The following RGL1 variants were observed in gnomAD, a reference collection of about 807,000 sequenced individuals.
The protein encoded by RGL1 is ral guanine nucleotide dissociation stimulator like 1.
In RGL1, 24 loss-of-function variants were observed where a neutral mutation model predicts 95.2. The ratio of observed to expected loss-of-function variants is 0.25; its 90% CI spans 0.18 to 0.35. RGL1 has a LOEUF of 0.35. Ranked by LOEUF, RGL1 falls within the 10% of genes least tolerant of loss-of-function variation. The pLI, the probability that RGL1 is intolerant of heterozygous loss-of-function variation, is 1.00. For missense variants in RGL1, 715 were observed against 936.3 expected (o/e 0.76, Z 3.08); for synonymous variants, 329 against 344.9 (o/e 0.95, Z 0.51).
intron 1 of RGL1, among the ~76,000 whole-genome samples, chr1:183,666,656 A>G (rs1287475175): frequency 1.3e-5 from 2 of 152,128 alleles, no homozygotes; most frequent in East Asian, 3.8e-4. Context: ...GCCTGGCAGG[A>G]ATTTTCCAGC....
chr1:183,744,695 G>C lies in RGL1; in HGVS notation c.132+2406G>C, dbSNP rs886265152. On this transcript the variant is annotated intron_variant, in intron 2 of 18. Transcript: ENST00000304685. ...TACTGTACATCTACTTCTACAGCTT[G>C]TTTTTTTGTTTCTATTTTTATGCTG... 6.4e-4 allele frequency among the ~76,000 whole-genome samples: 97 copies of C among 151,924 alleles called. 1 individual carries two copies. Among genetic ancestry groups the C allele is most frequent in the African/African-American group, 2.0e-3 (85 of 41,484 alleles).
chr1:183,854,724 A>G (rs1665030402), intron 3 of RGL1, among the ~76,000 whole-genome samples: 1 of 152,082 alleles, frequency 6.6e-6, no homozygotes. Flanking sequence ...TGGGCTTAGG[A>G]GTCAGAAATT....
At chr1:183,638,384 A>G (rs1649688882) in intron 1 of RGL1, among the ~76,000 whole-genome samples, 1 of 152,196 alleles carries the variant, frequency 6.6e-6, no homozygotes, top group Non-Finnish European at 1.5e-5. Flanking sequence ...AGTGCCTAGT[A>G]CATAATAGGT....
At chr1:183,890,136 G>C (rs1186565667) in intron 8 of RGL1, among the ~76,000 whole-genome samples, 1 of 152,006 alleles carries the variant, frequency 6.6e-6, no homozygotes, top group Admixed American at 6.6e-5. Flanking sequence ...CTGTAGTATA[G>C]TATCAAAAAC....
chr1:183,666,999 T>A (rs1192432075), intron 1 of RGL1, among the ~76,000 whole-genome samples: 1 of 152,226 alleles, frequency 6.6e-6, no homozygotes, highest in Non-Finnish European at 1.5e-5. Flanking sequence ...TTCTATCTGT[T>A]TTTGCTTCAC....
intron 2 of RGL1, among the ~76,000 whole-genome samples, chr1:183,808,405 AGT>A (rs1194727188): frequency 6.6e-6 from 1 of 152,186 alleles, no homozygotes; most frequent in Admixed American, 6.5e-5. Context: ...ATTTCAACAA[AGT>A]GTGATTTACT....
intron 2 of RGL1, among the ~76,000 whole-genome samples, chr1:183,830,365 C>A (rs1663177673): frequency 6.6e-6 from 1 of 152,176 alleles, no homozygotes; most frequent in African/African-American, 2.4e-5. Flanking sequence ...TGCATGACAT[C>A]TTTCATGCAG....
At position 183,870,992 on chromosome 1, in the gene RGL1, CTT is replaced by C. The variant is rs1666151096; in HGVS notation, c.425+4921_425+4922del. Among the ~76,000 whole-genome samples the C allele has an allele frequency of 3.3e-5, 5 of 152,202 alleles. No individual in the cohort carries two copies. The South Asian group carries it at 1.0e-3, about 31-fold the overall frequency. On this transcript the variant is annotated intron_variant, in intron 4 of 17. Transcript: ENST00000360851. ...ACCTTGGCTTAGTCCCTTCACCTCCCTTTGTTTCAGTTTCTTCACCTGAAAAA... is the reference window on the plus strand; with the variant it reads ...ACCTTGGCTTAGTCCCTTCACCTCCCTGTTTCAGTTTCTTCACCTGAAAAA...
chr1:183,781,908 A>G (rs756795767), intron 2 of RGL1, among the ~76,000 whole-genome samples: 15 of 152,230 alleles, frequency 9.9e-5, no homozygotes, highest in Non-Finnish European at 2.1e-4. Context: ...CACTCTCAAG[A>G]GTATAAAAAT....
intron 1 of RGL1, among the ~76,000 whole-genome samples, chr1:183,711,955 C>G (rs1270038092): frequency 6.6e-6 from 1 of 152,154 alleles, no homozygotes; most frequent in African/African-American, 2.4e-5. Context: ...TCAGTTTTCC[C>G]ATCTATAAAT....
intron 1 of RGL1, among the ~76,000 whole-genome samples, chr1:183,655,368 T>A (rs1361888093): frequency 6.6e-6 from 1 of 152,252 alleles, no homozygotes; most frequent in Non-Finnish European, 1.5e-5. Context: ...TGTTAAAGTT[T>A]TATTTGAACC....
intron 14 of RGL1, among the ~76,000 whole-genome samples, chr1:183,910,530 A>C (rs1488548201): frequency 1.3e-5 from 2 of 152,234 alleles, no homozygotes; most frequent in African/African-American, 4.8e-5. Context: ...CCTCTCAGCC[A>C]CCATCTCTTC....
chr1:183,649,796 A>G (rs1303474727), intron 1 of RGL1, among the ~76,000 whole-genome samples: 1 of 152,130 alleles, frequency 6.6e-6, no homozygotes, highest in African/African-American at 2.4e-5. Context: ...CGTTGTTCCT[A>G]TAATGCTCTA....
chr1:183,712,411 C>T (rs1655338162), intron 1 of RGL1, among the ~76,000 whole-genome samples: 1 of 152,198 alleles, frequency 6.6e-6, no homozygotes, highest in African/African-American at 2.4e-5. Flanking sequence ...ATAACTCCTG[C>T]TGGTGATTTA....
intron 2 of RGL1, among the ~76,000 whole-genome samples, chr1:183,815,133 G>A (rs970696637): frequency 2.2e-4 from 34 of 152,152 alleles, no homozygotes; most frequent in African/African-American, 8.0e-4. Flanking sequence ...AGTTAGCCAG[G>A]CATGGTGGCA....
intron 9 of RGL1, among the ~76,000 whole-genome samples, 199 bp downstream of exon 9, chr1:183,892,360 T>C (rs893074187): frequency 1.3e-5 from 2 of 152,180 alleles, no homozygotes; most frequent in African/African-American, 4.8e-5. Context: ...AGCTCTCTCT[T>C]TCTACCTCCC....
intron 2 of RGL1, among the ~76,000 whole-genome samples, chr1:183,765,782 T>C (rs554755531): frequency 6.6e-6 from 1 of 152,280 alleles, no homozygotes; most frequent in South Asian, 2.1e-4. Context: ...AAAACAACAA[T>C]TGTGGATGAT....
At chr1:183,785,281 C>T (rs939701934) in intron 2 of RGL1, among the ~76,000 whole-genome samples, 5 of 152,202 alleles carry the variant, frequency 3.3e-5, no homozygotes, top group African/African-American at 4.8e-5. Flanking sequence ...TCGGTCCACC[C>T]GTGAAATTAC....
intron 1 of RGL1, among the ~76,000 whole-genome samples, chr1:183,704,148 A>G (rs1051842188): frequency 2.6e-5 from 4 of 152,186 alleles, no homozygotes; most frequent in Admixed American, 6.5e-5. Flanking sequence ...CTAATCTGCT[A>G]GTGCATTTCC....
Sources: allele counts gnomAD v4.1 joint callset (sites outside exome capture counted in the v4.1 genomes callset), GRCh38; gene constraint gnomAD v4.1.1; transcripts MANE v1.5; gene names NCBI Gene and HGNC (gene_info 2026-07-23, HGNC 2026-07-21).